Variants in CTC1 observed in about 807,000 individuals in gnomAD.
The protein encoded by CTC1 is CST telomere replication complex component 1.
Under a neutral mutation model 136.3 loss-of-function variants are expected in CTC1, and 91 were observed. The ratio of observed to expected loss-of-function variants is 0.67; its 90% CI spans 0.56 to 0.79. The LOEUF is 0.79. CTC1 is among the 30% of genes least tolerant of loss of function. The pLI, the probability that CTC1 is intolerant of heterozygous loss-of-function variation, is 0.00. For synonymous variants in CTC1, 606 were observed against 613.8 expected, an observed-to-expected ratio of 0.99 and a Z score of 0.19; for missense variants, 1,432 against 1,498.1, an observed-to-expected ratio of 0.96 and a Z score of 0.73.
intron 22 of CTC1, 34 bp from the exon 23 acceptor site, chr17:8,228,353 A>G (rs1422523688): frequency 6.2e-7 from 1 of 1,610,202 alleles, no homozygotes; most frequent in African/African-American, 1.3e-5. Context: ...CACACGTCTC[A>G]GGCATGTGGC....
rs370483878 is a variant in CTC1, at chr17:8,236,318, T to C, written c.817A>G (p.Arg273Gly). The part of the protein sequence containing the change: ...VQVPAQLVWH[R>G]ALRPGTAYVL... ...TAGGCTGTACCAGGCCGAAGGGCTC[T>C]GTGCCACACCAGCTGGGCAGGGACC... Residue 273 changes from arginine (R) to glycine (G), a missense_variant, in exon 6 of 23, where the codon AGA (arginine) becomes GGA (glycine). By Grantham distance (125) the Arg-to-Gly change is moderately radical. Transcript: ENST00000651323. 9 of 1,609,418 alleles carry C rather than the reference T, an allele frequency of 5.6e-6. No individual in the cohort carries two copies. In the Admixed American group the frequency reaches 1.2e-4, roughly 21 times the overall value.
intron 11 of CTC1, 53 bp from the exon 12 acceptor site, chr17:8,232,528 T>C (rs1255306462): frequency 2.0e-6 from 3 of 1,489,272 alleles, no homozygotes; most frequent in Non-Finnish European, 2.8e-6. Flanking sequence ...GTGGGGTGGG[T>C]TGCAAGGCAA....
In CTC1 at chr17:8,232,237, G is replaced by A; in HGVS notation, c.2061-10C>T. 1 of 1,536,140 alleles carries A rather than the reference G, an allele frequency of 6.5e-7. No individual in the cohort carries two copies. Among genetic ancestry groups the A allele is most frequent in the Non-Finnish European group, 8.7e-7 (1 of 1,144,556 alleles). ...GAACTGGACATAGACTCTGTTGGGA[G>A]AGACAAGGAATACATTTCTTAGTGA... On this transcript the variant is annotated splice_polypyrimidine_tract_variant and intron_variant, in intron 12 of 22. Transcript: ENST00000651323.
chr17:8,234,651 G>A lies in CTC1; in HGVS notation c.1622C>T (p.Thr541Ile). ...EPHHCPLQKY[T>I]RLQTPSSFPT... is the part of the protein sequence containing the mutation. Reference sequence around the variant, plus strand: ...GAAGGAGGAGGGAGTCTGCAGCCGAGTGTACTGTCAAGGAGGGAAGAGAAA... The same window carrying A: ...GAAGGAGGAGGGAGTCTGCAGCCGAATGTACTGTCAAGGAGGGAAGAGAAA... Residue 541 changes from threonine (T) to isoleucine (I), a missense_variant, in exon 10 of 23, where the codon ACT becomes ATT. Coordinates refer to ENST00000651323, the MANE Select transcript of CTC1 (RefSeq NM_025099.6). 2 of 1,610,374 alleles carry A rather than the reference G, an allele frequency of 1.2e-6. No homozygotes were observed. The highest frequency in any genetic ancestry group is 8.5e-7 in the Non-Finnish European group (1 of 1,177,882).
In CTC1 at chr17:8,248,016, C is replaced by G. The variant is rs370153216; in HGVS notation, c.21G>C (p.Gln7His). The G allele has an allele frequency of 2.9e-5, 41 of 1,395,010 alleles. No individual in the cohort carries two copies. Among genetic ancestry groups the G allele is most frequent in the Non-Finnish European group, 3.7e-5 (39 of 1,042,350 alleles). The allele number at this position is 1,395,010 out of a possible 1,614,324, so 86.4% of individuals were successfully genotyped here. Reference protein sequence around the residue: MAAGRAQVPSSEQAWLE... With the variant: MAAGRAHVPSSEQAWLE... ...TAGCAGCACTCACGGAGGAAGGGACCTGGGCCCGGCCAGCCGCCATGATGC... is the reference window on the plus strand; with the variant it reads ...TAGCAGCACTCACGGAGGAAGGGACGTGGGCCCGGCCAGCCGCCATGATGC... Residue 7 changes from glutamine to histidine, a missense_variant, in exon 1 of 23, where the codon CAG (glutamine) becomes CAC (histidine). Coordinates refer to ENST00000651323, the MANE Select transcript of CTC1 (RefSeq NM_025099.6).
At position 8,248,020 on chromosome 17, in the gene CTC1, G is replaced by T; in HGVS notation, c.17C>A (p.Ala6Asp). The T allele has an allele frequency of 6.8e-7, 1 of 1,464,598 alleles. No homozygotes were observed. The highest frequency in any genetic ancestry group is 9.2e-7 in the Non-Finnish European group (1 of 1,087,560). The allele number at this position is 1,464,598 out of a possible 1,614,324, so 90.7% of individuals were successfully genotyped here. Residue 6 changes from alanine to aspartate, a missense_variant, in exon 1 of 23, where the codon GCC becomes GAC. Transcript: ENST00000651323. MAAGR[A>D]QVPSSEQAWL... ...AGCACTCACGGAGGAAGGGACCTGG[G>T]CCCGGCCAGCCGCCATGATGCGCCG...
At chr17:8,236,487 C>G (rs527881537) in intron 5 of CTC1, 145 bp from the exon 6 acceptor site, 960 of 821,740 alleles carry the variant, frequency 1.2e-3, no homozygotes, top group Middle Eastern at 2.2e-3. Flanking sequence ...TGTCTGCCAA[C>G]TAAATCTTAG....
chr17:8,244,229 G>GA (rs2151549220), intron 1 of CTC1, among the ~76,000 whole-genome samples: 1 of 152,248 alleles, frequency 6.6e-6, no homozygotes, highest in East Asian at 1.9e-4. Context: ...ATATATGCAA[G>GA]ATACAACCTC....
intron 10 of CTC1, among the ~76,000 whole-genome samples, chr17:8,234,053 T>TGG (rs1987475402): frequency 6.6e-6 from 1 of 152,204 alleles, no homozygotes; most frequent in South Asian, 2.1e-4. Flanking sequence ...GGTGTGATCT[T>TGG]GGCTCACTAT....
intron 2 of CTC1, among the ~76,000 whole-genome samples, chr17:8,242,533 GAAAAAAA>G (rs58895309): frequency 5.1e-4 from 43 of 83,848 alleles, no homozygotes; most frequent in African/African-American, 1.6e-3. Flanking sequence ...AGTGTAGAGA[GAAAAAAA>G]AAAAAAAAAA....
intron 2 of CTC1, among the ~76,000 whole-genome samples, chr17:8,240,117 T>G (rs569574691): frequency 1.3e-5 from 2 of 151,550 alleles, no homozygotes; most frequent in African/African-American, 4.8e-5. Flanking sequence ...TTCCTACTTA[T>G]CTGAAGGCCC....
chr17:8,234,870 C>A lies in CTC1; in HGVS notation c.1496G>T (p.Ser499Ile), dbSNP rs765406506. 2 of 1,612,562 alleles carry A rather than the reference C, an allele frequency of 1.2e-6. No homozygotes were observed. Reference sequence around the variant, plus strand: ...CAGGAGTTGCAGTCCCAGGCTGGGGCTCCCAGGAGAGGAATGTTGCAGGAA... The same window carrying A: ...CAGGAGTTGCAGTCCCAGGCTGGGGATCCCAGGAGAGGAATGTTGCAGGAA... Reference protein sequence around the residue: ...HQFLQHSSPGSPSLGLQLLAP... With the variant: ...HQFLQHSSPGIPSLGLQLLAP... The change falls in exon 9 of 23, where the codon AGC becomes ATC. Residue 499 changes from serine to isoleucine, a missense_variant. Transcript: ENST00000651323.
chr17:8,235,622 G>T (rs1987648500), intron 7 of CTC1, among the ~76,000 whole-genome samples: 1 of 152,182 alleles, frequency 6.6e-6, no homozygotes, highest in Non-Finnish European at 1.5e-5. Flanking sequence ...TGAAGGAGAT[G>T]CTCTGGCCAC....
At chr17:8,241,501 A>G (rs1988213201) in intron 2 of CTC1, among the ~76,000 whole-genome samples, 1 of 149,062 alleles carries the variant, frequency 6.7e-6, no homozygotes. Context: ...AGTCCCAGCT[A>G]CTCAAGAGGC....
At chr17:8,245,337 A>G (rs1255840181) in intron 1 of CTC1, among the ~76,000 whole-genome samples, 2 of 152,212 alleles carry the variant, frequency 1.3e-5, no homozygotes, top group Non-Finnish European at 2.9e-5. Flanking sequence ...AGATGTCTTC[A>G]GCATCCTTGT....
In CTC1 at chr17:8,234,749, T is replaced by C. The variant is rs1267457675; in HGVS notation, c.1617A>G (p.Lys539=). 1 of 1,587,892 alleles carries C rather than the reference T, an allele frequency of 6.3e-7. No homozygotes were observed. Among genetic ancestry groups the C allele is most frequent in the Non-Finnish European group, 8.6e-7 (1 of 1,165,724 alleles). ...CCATCCTTCCCCCACATCCTCATAC[T>C]TTCTGGAGGGGACAGTGATGTGGCT... is the stretch of plus-strand genomic sequence containing the variant. ...LEEPHHCPLQ[K]YTRLQTPSSF... Residue 539 remains lysine, a splice_region_variant and synonymous_variant, in exon 9 of 23, where the codon AAA becomes AAG. Transcript: ENST00000651323.
Position 8,243,121 on chromosome 17 carries a change from C to T in CTC1, c.61G>A (p.Val21Ile). Residue 21 changes from valine to isoleucine, a missense_variant, in exon 2 of 23, where the codon GTC becomes ATC. Physicochemically the swap from Val to Ile is conservative, Grantham distance 29. Transcript: ENST00000651323. ...GGACACAGGGTCTTTTGGATGAAGA[C>T]CTGAGCATCCTCAAGCCAGGCTTGT... ...SEQAWLEDAQ[V>I]FIQKTLCPAV... 3.7e-6 allele frequency: 6 copies of T among 1,613,940 alleles called. No homozygotes were observed. Among genetic ancestry groups the T allele is most frequent in the Non-Finnish European group, 5.1e-6 (6 of 1,179,926 alleles).
rs1293710378 is a variant in CTC1 at position 8,226,243 on chromosome 17, C to T, written c.*1937G>A. 2 of 152,306 alleles carry T rather than the reference C, an allele frequency of 1.3e-5. No individual in the cohort carries two copies. The highest frequency in any genetic ancestry group is 2.1e-4 in the South Asian group (1 of 4,836). The allele number at this position is 152,306 out of a possible 1,614,324, so 9.4% of individuals were successfully genotyped here. A position where few individuals can be genotyped will look rare whatever the true frequency, so the allele number is the denominator to read the frequency against. The stretch of plus-strand genomic sequence containing the variant: ...CTGTTTCAATTGAATAAAGGCACCG[C>T]TGGGATTCGAACCCAGGATCTCCTG... On this transcript the variant is annotated 3_prime_UTR_variant, in exon 23 of 23. Coordinates refer to ENST00000651323, the MANE Select transcript of CTC1 (RefSeq NM_025099.6).
intron 15 of CTC1, chr17:8,230,915 T>G: frequency 1.9e-6 from 1 of 513,522 alleles, no homozygotes; most frequent in South Asian, 2.4e-5. Context: ...GGTGGGAGGC[T>G]CACTTAAGGT....
Sources: gnomAD v4.1 joint callset for allele counts (sites outside exome capture counted in the v4.1 genomes callset) on GRCh38, gnomAD v4.1.1 for gene constraint, MANE v1.5 for transcripts, NCBI Gene and HGNC (gene_info 2026-07-23, HGNC 2026-07-21) for gene names.